The following PCDHA4 variants were observed in gnomAD, a reference collection of about 807,000 sequenced individuals.
PCDHA4 encodes the protein protocadherin alpha 4.
In PCDHA4, 49 loss-of-function variants were observed where a neutral mutation model predicts 61.4. The ratio of observed to expected loss-of-function variants is 0.80; its 90% CI spans 0.63 to 1.01. The LOEUF (loss-of-function observed/expected upper bound fraction) is 1.01. PCDHA4 is among the 50% of genes least tolerant of loss of function. The probability of loss-of-function intolerance (pLI) is 0.00; values close to 1 mark genes in which losing one functional copy is unlikely to be tolerated. For synonymous variants in PCDHA4, 590 were observed against 550.3 expected (o/e 1.07, Z -1.01); for missense variants, 1,254 against 1,235.8 (o/e 1.01, Z -0.22).
chr5:141,010,096 A>G lies in PCDHA4; in HGVS notation c.*159A>G. The G allele has an allele frequency of 6.2e-7, 1 of 1,612,840 alleles. No individual in the cohort carries two copies. Among genetic ancestry groups the G allele is most frequent in the Non-Finnish European group, 8.5e-7 (1 of 1,179,378 alleles). ...CCTGTGTCTGTCTAGAACGCATTTA[A>G]CAGGTTTTGTCGTAAAAGCTTTACT... On this transcript the variant is annotated 3_prime_UTR_variant, in exon 4 of 4. Transcript: ENST00000530339.
In PCDHA4 at chr5:140,928,306, C is replaced by T. The variant is rs782598364; in HGVS notation, c.2386-50643C>T. 7.6e-5 allele frequency: 122 copies of T among 1,613,984 alleles called. No individual in the cohort carries two copies. The highest frequency in any genetic ancestry group is 1.8e-4 in the Admixed American group (11 of 60,002). ...TCTAGGCCGAGTGTTTGCCCAGGAC[C>T]CCGACCTGGGGAAGAATGGCCTTGT... is the stretch of plus-strand genomic sequence containing the variant. On this transcript the variant is annotated intron_variant, in intron 1 of 3. Coordinates refer to ENST00000530339, the MANE Select transcript of PCDHA4 (RefSeq NM_018907.4).
intron 1 of PCDHA4, among the ~76,000 whole-genome samples, chr5:140,950,022 A>T (rs1355491628): frequency 6.6e-6 from 1 of 151,918 alleles, no homozygotes; most frequent in Non-Finnish European, 1.5e-5. Context: ...CCTTCATAAA[A>T]TATAGAAAAG....
intron 1 of PCDHA4, chr5:140,869,477 A>C: frequency 6.2e-7 from 1 of 1,614,208 alleles, no homozygotes; most frequent in South Asian, 1.1e-5. Context: ...GAGGTGAAGG[A>C]CATTAACGAC....
At chr5:140,829,083 C>T (rs2150162382) in intron 1 of PCDHA4, 3 of 1,611,052 alleles carry the variant, frequency 1.9e-6, no homozygotes, top group Non-Finnish European at 2.5e-6. Flanking sequence ...CCTCCCATGG[C>T]GGGTCATTGC....
At chr5:140,913,028 T>C (rs1483903035) in intron 1 of PCDHA4, among the ~76,000 whole-genome samples, 1 of 152,232 alleles carries the variant, frequency 6.6e-6, no homozygotes, top group Non-Finnish European at 1.5e-5. Flanking sequence ...TCAATATTCA[T>C]CAGATATATT....
chr5:140,862,838 T>A (rs555167030), intron 1 of PCDHA4: 1 of 575,064 alleles, frequency 1.7e-6, no homozygotes, highest in South Asian at 1.4e-5. Flanking sequence ...GACGCGGGCA[T>A]GCCGCCTCTG....
chr5:140,920,029 T>C (rs1584162393), intron 1 of PCDHA4, among the ~76,000 whole-genome samples: 1 of 152,118 alleles, frequency 6.6e-6, no homozygotes, highest in African/African-American at 2.4e-5. Flanking sequence ...GAGACAGAGA[T>C]TGGAGTGATG....
chr5:140,863,128 C>A, intron 1 of PCDHA4: 1 of 598,142 alleles, frequency 1.7e-6, no homozygotes, highest in South Asian at 1.4e-5. Flanking sequence ...TACGCGCCAC[C>A]GCCTGCTGGT....
At chr5:140,966,505 A>T in intron 1 of PCDHA4, 1 of 427,984 alleles carries the variant, frequency 2.3e-6, no homozygotes, top group Non-Finnish European at 4.1e-6. Context: ...CTGTAGCGGC[A>T]GCAGCAGCAG....
Position 140,821,928 on chromosome 5 carries a change from A to G in PCDHA4, c.2385+12356A>G, listed in dbSNP as rs147874482. Reference sequence around the variant, plus strand: ...TCGTTGGCCGCATCGCGCAGGACCTAGGGCTGGAGCTGGCGGAGCTGGTGC... The same window carrying G: ...TCGTTGGCCGCATCGCGCAGGACCTGGGGCTGGAGCTGGCGGAGCTGGTGC... On this transcript the variant is annotated intron_variant, in intron 1 of 3. Coordinates refer to ENST00000530339, the MANE Select transcript of PCDHA4 (RefSeq NM_018907.4). 9.9e-6 allele frequency: 16 copies of G among 1,614,034 alleles called. No individual in the cohort carries two copies. The African/African-American group carries it at 1.7e-4, about 17-fold the overall frequency.
chr5:140,904,939 T>G (rs1418494936), intron 1 of PCDHA4, among the ~76,000 whole-genome samples: 3 of 152,254 alleles, frequency 2.0e-5, no homozygotes, highest in Admixed American at 2.0e-4. Flanking sequence ...TTCTGGATAT[T>G]AGTCCTTTGT....
intron 1 of PCDHA4, chr5:140,841,846 T>G (rs2150323998): frequency 6.2e-7 from 1 of 1,613,898 alleles, no homozygotes. Flanking sequence ...TTAGCTCTCA[T>G]GATTACTTCA....
At chr5:140,987,296 A>G (rs782162576) in intron 3 of PCDHA4, among the ~76,000 whole-genome samples, 1 of 152,126 alleles carries the variant, frequency 6.6e-6, no homozygotes, top group African/African-American at 2.4e-5. Context: ...CAAGCCTTCT[A>G]TGTGATACCA....
At chr5:140,948,868 G>A (rs191976148) in intron 1 of PCDHA4, among the ~76,000 whole-genome samples, 20 of 151,330 alleles carry the variant, frequency 1.3e-4, no homozygotes, top group African/African-American at 4.8e-4. Context: ...ATTACTTCGG[G>A]TTTACTTTGC....
chr5:140,925,026 G>A (rs1440774987), intron 1 of PCDHA4, among the ~76,000 whole-genome samples: 1 of 151,826 alleles, frequency 6.6e-6, no homozygotes, highest in Non-Finnish European at 1.5e-5. Flanking sequence ...TGGGAGGATC[G>A]CTTGAGCCCA....
intron 1 of PCDHA4, among the ~76,000 whole-genome samples, chr5:140,958,318 CA>C (rs2095417948): frequency 6.6e-6 from 1 of 151,816 alleles, no homozygotes; most frequent in Non-Finnish European, 1.5e-5. Flanking sequence ...AATTAGAGCT[CA>C]AAAAATAAAT....
rs145175505 is a variant in PCDHA4, at chr5:140,843,176, C to T, written c.2385+33604C>T. On this transcript the variant is annotated intron_variant, in intron 1 of 3. Coordinates refer to ENST00000530339, the MANE Select transcript of PCDHA4 (RefSeq NM_018907.4). ...GCTGCAGCCAGCTGCAAGCAGCCCT[C>T]GCATCCCGTTCCGCGTGGGGCTGTA... 1.2e-5 allele frequency: 19 copies of T among 1,595,968 alleles called. 3 individuals carry two copies. Among genetic ancestry groups the T allele is most frequent in the Non-Finnish European group, 1.5e-5 (18 of 1,165,618 alleles).
At position 140,822,970 on chromosome 5, in the gene PCDHA4, A is replaced by C. The variant is rs2150120845; in HGVS notation, c.2385+13398A>C. 1.5e-5 allele frequency: 24 copies of C among 1,614,206 alleles called. No individual in the cohort carries two copies. The East Asian group carries it at 5.1e-4, about 34-fold the overall frequency. The stretch of plus-strand genomic sequence containing the variant: ...CCACGTTCCCTTCAAGCTGGTGTCC[A>C]CCTTCAAGAATTACTACTCGTTGGT... On this transcript the variant is annotated intron_variant, in intron 1 of 3. Transcript: ENST00000530339.
At chr5:140,934,988 C>A (rs901740982) in intron 1 of PCDHA4, among the ~76,000 whole-genome samples, 5 of 152,154 alleles carry the variant, frequency 3.3e-5, no homozygotes, top group Non-Finnish European at 7.4e-5. Context: ...AGTGATAACA[C>A]CCTGAATCCT....
Sources: gnomAD v4.1 joint callset for allele counts (sites outside exome capture counted in the v4.1 genomes callset) on GRCh38, gnomAD v4.1.1 for gene constraint, MANE v1.5 for transcripts, NCBI Gene and HGNC (gene_info 2026-07-23, HGNC 2026-07-21) for gene names.